SORCS3: variants seen among roughly 807,000 people sequenced by gnomAD.
SORCS3 encodes VPS10 domain-containing receptor SorCS3.
Under a neutral mutation model 146.3 loss-of-function variants are expected in SORCS3, and 57 were observed. The observed-to-expected ratio is 0.39, with a 90% confidence interval of 0.31 to 0.49. The LOEUF is 0.49. Among genes scored for constraint, SORCS3 ranks in the 20% least tolerant of loss-of-function variants. The probability of loss-of-function intolerance (pLI) is 0.92; values close to 1 mark genes in which losing one functional copy is unlikely to be tolerated. For missense variants in SORCS3, 1,341 were observed against 1,575.5 expected, an observed-to-expected ratio of 0.85 and a Z score of 2.52; for synonymous variants, 653 against 618.5, an observed-to-expected ratio of 1.06 and a Z score of -0.83.
chr10:104,836,928 T>G (rs923553238), intron 1 of SORCS3, among the ~76,000 whole-genome samples: 6 of 152,172 alleles, frequency 3.9e-5, no homozygotes, highest in African/African-American at 1.4e-4. Context: ...TCCATTTCAG[T>G]GTATAGAAAT....
At chr10:104,812,967 A>G (rs1589508458) in intron 1 of SORCS3, among the ~76,000 whole-genome samples, 1 of 152,134 alleles carries the variant, frequency 6.6e-6, no homozygotes, top group African/African-American at 2.4e-5. Context: ...TGGCACTGCA[A>G]TTTGCCCCCA....
chr10:105,211,593 ACT>A (rs2056634093), intron 17 of SORCS3, among the ~76,000 whole-genome samples: 1 of 152,134 alleles, frequency 6.6e-6, no homozygotes, highest in African/African-American at 2.4e-5. Flanking sequence ...ATATTACACT[ACT>A]CTCTAGTGAA....
At chr10:104,715,749 CACCTCCACTGG>C (rs1344998150) in intron 1 of SORCS3, among the ~76,000 whole-genome samples, 3 of 152,172 alleles carry the variant, frequency 2.0e-5, no homozygotes, top group Admixed American at 2.0e-4. Flanking sequence ...TAGTTCTTAT[CACCTCCACTGG>C]TAAAACCCTG....
chr10:104,961,999 G>A (rs534912922), intron 3 of SORCS3, among the ~76,000 whole-genome samples: 3 of 151,852 alleles, frequency 2.0e-5, no homozygotes, highest in Admixed American at 6.6e-5. Flanking sequence ...CAAGTAAAAC[G>A]TAAAATAACC....
In SORCS3 at chr10:105,053,850, A is replaced by C. The variant is rs1430088758; in HGVS notation, c.1028+10722A>C. On this transcript the variant is annotated intron_variant, in intron 5 of 26. Coordinates refer to ENST00000369701, the MANE Select transcript of SORCS3 (RefSeq NM_014978.3). The stretch of plus-strand genomic sequence containing the variant: ...TATAATGTTGTTTTAGAAACATTTA[A>C]GTAATTATTTGTTCAAGGTCTGATT... Among the ~76,000 whole-genome samples the C allele has an allele frequency of 2.6e-5, 4 of 152,040 alleles. No homozygotes were observed. The East Asian group carries it at 7.7e-4, about 29-fold the overall frequency.
rs540627465 is a variant in SORCS3, at chr10:104,676,016, T to C, written c.627+34062T>C. On this transcript the variant is annotated intron_variant, in intron 1 of 26. Transcript: ENST00000369701. ...TTTCATACTTTTCAGTTGAAAGGTC[T>C]TGCACATCTTTCAGTAGATTTATTC... is the stretch of plus-strand genomic sequence containing the variant. Among the ~76,000 whole-genome samples, 3 of 152,362 alleles carry C rather than the reference T, an allele frequency of 2.0e-5. No individual in the cohort carries two copies. The South Asian group carries it at 6.2e-4, about 32-fold the overall frequency.
At chr10:105,180,435 A>G (rs953142784) in intron 14 of SORCS3, among the ~76,000 whole-genome samples, 9 of 152,264 alleles carry the variant, frequency 5.9e-5, no homozygotes, top group South Asian at 2.1e-4. Context: ...GAATGAATGA[A>G]TGATTCCAAG....
chr10:105,204,099 A>C (rs982923322), intron 16 of SORCS3, among the ~76,000 whole-genome samples: 6 of 152,086 alleles, frequency 3.9e-5, no homozygotes, highest in Admixed American at 2.6e-4. Context: ...GAGCCTTTAC[A>C]CGGCCTTCTG....
intron 14 of SORCS3, among the ~76,000 whole-genome samples, chr10:105,193,768 C>T (rs2056530026): frequency 6.6e-6 from 1 of 152,130 alleles, no homozygotes; most frequent in African/African-American, 2.4e-5. Context: ...TTCTATTTCC[C>T]TGCCCAGTAC....
intron 1 of SORCS3, among the ~76,000 whole-genome samples, chr10:104,738,375 T>C (rs1350092393): frequency 5.9e-5 from 9 of 152,220 alleles, no homozygotes; most frequent in Admixed American, 5.9e-4. Context: ...TTTATATCGA[T>C]CCAGCCGAGG....
chr10:105,091,170 TTTCCTCCTTCCTTCA>T (rs1230847537), intron 6 of SORCS3, among the ~76,000 whole-genome samples: 27 of 121,994 alleles, frequency 2.2e-4, no homozygotes, highest in Non-Finnish European at 3.6e-4. Context: ...CTTCCCTTCC[TTTCCTCCTTCCTTCA>T]TCCCTCCTTC....
At chr10:104,970,910 G>A (rs1164355094) in intron 3 of SORCS3, among the ~76,000 whole-genome samples, 1 of 152,110 alleles carries the variant, frequency 6.6e-6, no homozygotes, top group African/African-American at 2.4e-5. Context: ...GGAAATTTAG[G>A]GGGCTATATT....
chr10:104,996,138 A>G (rs1422552263), intron 4 of SORCS3, among the ~76,000 whole-genome samples: 1 of 152,180 alleles, frequency 6.6e-6, no homozygotes, highest in East Asian at 1.9e-4. Flanking sequence ...TGACACCAGT[A>G]CTACATTATC....
chr10:105,171,687 G>A (rs1361368753), intron 13 of SORCS3, among the ~76,000 whole-genome samples: 2 of 152,192 alleles, frequency 1.3e-5, no homozygotes, highest in African/African-American at 4.8e-5. Context: ...ACCACCTCAT[G>A]TACTGGGGAT....
At chr10:104,873,405 G>T (rs1013559951) in intron 2 of SORCS3, among the ~76,000 whole-genome samples, 2 of 152,182 alleles carry the variant, frequency 1.3e-5, no homozygotes, top group Non-Finnish European at 2.9e-5. Flanking sequence ...TGAGCAGTGG[G>T]AGCCAGTTCT....
intron 3 of SORCS3, among the ~76,000 whole-genome samples, chr10:104,941,975 A>T (rs1157033839): frequency 1.3e-5 from 2 of 152,194 alleles, no homozygotes; most frequent in Non-Finnish European, 2.9e-5. Flanking sequence ...ACACAATTTA[A>T]TGTCTTAATA....
intron 1 of SORCS3, among the ~76,000 whole-genome samples, chr10:104,806,153 C>T (rs1044245551): frequency 6.6e-6 from 1 of 152,130 alleles, no homozygotes; most frequent in Non-Finnish European, 1.5e-5. Flanking sequence ...TTCCTAAGAC[C>T]ACATGGCTAG....
At chr10:104,831,779 G>A (rs1335423331) in intron 1 of SORCS3, among the ~76,000 whole-genome samples, 2 of 152,154 alleles carry the variant, frequency 1.3e-5, no homozygotes, top group African/African-American at 2.4e-5. Context: ...GGGAAAACCT[G>A]CACCTTGCTG....
At chr10:104,836,738 G>T (rs1329410138) in intron 1 of SORCS3, among the ~76,000 whole-genome samples, 1 of 151,836 alleles carries the variant, frequency 6.6e-6, no homozygotes, top group East Asian at 1.9e-4. Context: ...TCCCACCTTG[G>T]CACAGCCTTG....
Sources: allele counts gnomAD v4.1 joint callset (sites outside exome capture counted in the v4.1 genomes callset), GRCh38; gene constraint gnomAD v4.1.1; transcripts MANE v1.5; gene names NCBI Gene and HGNC (gene_info 2026-07-23, HGNC 2026-07-21).